SHOC2: variants seen among roughly 807,000 people sequenced by gnomAD.
The protein encoded by SHOC2 is SHOC2 leucine rich repeat scaffold protein.
Under a neutral mutation model 50.2 loss-of-function variants are expected in SHOC2, and 4 were observed. The ratio of observed to expected loss-of-function variants is 0.08; its 90% confidence interval spans 0.04 to 0.18. SHOC2 has a LOEUF of 0.18. SHOC2 is among the 10% of genes least tolerant of loss of function. The pLI, the probability that SHOC2 is intolerant of heterozygous loss-of-function variation, is 1.00. For synonymous variants in SHOC2, 218 were observed against 244.5 expected, an observed-to-expected ratio of 0.89 and a Z score of 1.01; for missense variants, 388 against 669.6, an observed-to-expected ratio of 0.58 and a Z score of 4.64.
chr10:110,988,311 G>A (rs953439899), intron 3 of SHOC2, among the ~76,000 whole-genome samples: 2 of 152,032 alleles, frequency 1.3e-5, no homozygotes, highest in African/African-American at 4.8e-5. Flanking sequence ...AAATTCACCA[G>A]TGAAGCCATC....
At chr10:110,968,789 A>G (rs1274037217) in intron 2 of SHOC2, among the ~76,000 whole-genome samples, 6 of 152,138 alleles carry the variant, frequency 3.9e-5, no homozygotes, top group Non-Finnish European at 8.8e-5. Context: ...CAACAGAGCT[A>G]GACCCTATCT....
intron 2 of SHOC2, among the ~76,000 whole-genome samples, chr10:110,980,151 C>A (rs1847947572): frequency 6.6e-6 from 1 of 150,704 alleles, no homozygotes. Context: ...CTACCCCATT[C>A]CTGTCACTTT....
chr10:110,987,356 T>G (rs1364811346), intron 3 of SHOC2, among the ~76,000 whole-genome samples: 1 of 152,192 alleles, frequency 6.6e-6, no homozygotes, highest in Admixed American at 6.5e-5. Flanking sequence ...TAGATTGTCT[T>G]AGGTTATACA....
chr10:111,002,301 G>C (rs1450093419), intron 4 of SHOC2, among the ~76,000 whole-genome samples: 6 of 152,256 alleles, frequency 3.9e-5, no homozygotes, highest in Admixed American at 3.3e-4. Context: ...CGCATTTATA[G>C]TAAGGAAAAC....
intron 1 of SHOC2, among the ~76,000 whole-genome samples, chr10:110,933,521 C>T (rs1038298126): frequency 5.9e-5 from 9 of 152,308 alleles, no homozygotes; most frequent in Admixed American, 5.2e-4. Flanking sequence ...TCAATTATTA[C>T]AGGAGACCAG....
chr10:110,980,151 C>T (rs1847947572), intron 2 of SHOC2, among the ~76,000 whole-genome samples: 1 of 150,704 alleles, frequency 6.6e-6, no homozygotes, highest in Non-Finnish European at 1.5e-5. Context: ...CTACCCCATT[C>T]CTGTCACTTT....
intron 2 of SHOC2, among the ~76,000 whole-genome samples, chr10:110,967,372 C>G (rs542023717): frequency 6.6e-6 from 1 of 152,248 alleles, no homozygotes; most frequent in South Asian, 2.1e-4. Context: ...GGTCCAGGGT[C>G]TGTACTTTTA....
At chr10:110,984,891 G>T (rs963389509) in intron 2 of SHOC2, among the ~76,000 whole-genome samples, 1 of 152,068 alleles carries the variant, frequency 6.6e-6, no homozygotes, top group African/African-American at 2.4e-5. Flanking sequence ...TTGAAAGCTG[G>T]ATGTAGCTCA....
At position 110,936,589 on chromosome 10, in the gene SHOC2, C is replaced by CTTT. The variant is rs376101415; in HGVS notation, c.-235+16945_-235+16947dup. ...GGAAAGGGCATGTCCTTTTCTTTTC[C>CTTT]TTTTTTTTTTTTTTTAACAGTCTTT... On this transcript the variant is annotated intron_variant, in intron 1 of 8. Transcript: ENST00000369452. 7.1e-3 allele frequency: 2,994 copies of CTTT among 423,230 alleles called. 127 individuals are homozygous for CTTT. Among genetic ancestry groups the CTTT allele is most frequent in the African/African-American group, 0.071 (2,567 of 36,324 alleles). The allele number at this position is 423,230 out of a possible 1,614,324, so 26.2% of individuals were successfully genotyped here. A position where few individuals can be genotyped will look rare whatever the true frequency, so the allele number is the denominator to read the frequency against.
At chr10:111,008,297 A>G in intron 6 of SHOC2, among the ~76,000 whole-genome samples, 1 of 151,046 alleles carries the variant, frequency 6.6e-6, no homozygotes, top group East Asian at 1.9e-4. Flanking sequence ...ATGCTTACTA[A>G]TAGTAAATAT....
At chr10:110,985,046 A>G (rs1848052289) in intron 2 of SHOC2, among the ~76,000 whole-genome samples, 1 of 152,180 alleles carries the variant, frequency 6.6e-6, no homozygotes, top group Admixed American at 6.5e-5. Context: ...AGCTAACTGG[A>G]TATTAAGAAG....
chr10:110,996,933 C>A (rs188521166), intron 3 of SHOC2, among the ~76,000 whole-genome samples: 1 of 152,014 alleles, frequency 6.6e-6, no homozygotes, highest in Non-Finnish European at 1.5e-5. Flanking sequence ...GTGCACTTGT[C>A]GAGAGGTGGG....
intron 1 of SHOC2, among the ~76,000 whole-genome samples, chr10:110,929,746 T>G (rs1050242892): frequency 6.6e-6 from 1 of 152,194 alleles, no homozygotes; most frequent in Non-Finnish European, 1.5e-5. Flanking sequence ...CATCTAAACC[T>G]AAGTACCTCC....
At chr10:110,950,118 GT>G (rs1847322294) in intron 1 of SHOC2, among the ~76,000 whole-genome samples, 1 of 152,132 alleles carries the variant, frequency 6.6e-6, no homozygotes, top group African/African-American at 2.4e-5. Context: ...TTGTCTTTCT[GT>G]AGATAACATG....
intron 5 of SHOC2, among the ~76,000 whole-genome samples, chr10:111,006,858 C>T (rs970632645): frequency 1.3e-5 from 2 of 152,140 alleles, no homozygotes; most frequent in Non-Finnish European, 2.9e-5. Context: ...TGAAAGTATA[C>T]TTTATAAGTG....
rs1848586432 is a variant in SHOC2 at position 111,012,571 on chromosome 10, A to G, written c.*753A>G. On this transcript the variant is annotated 3_prime_UTR_variant, in exon 9 of 9. Coordinates refer to ENST00000369452, the MANE Select transcript of SHOC2 (RefSeq NM_007373.4). Reference sequence around the variant, plus strand: ...GAAGGGTATTGAGACCTTTTCTAGTATGAATATTTTTTAAGTTTGGGGGAA... The same window carrying G: ...GAAGGGTATTGAGACCTTTTCTAGTGTGAATATTTTTTAAGTTTGGGGGAA... 6.6e-6 allele frequency: 1 copy of G among 152,162 alleles called. No homozygotes were observed. Among genetic ancestry groups the G allele is most frequent in the Non-Finnish European group, 1.5e-5 (1 of 68,010 alleles). The allele number at this position is 152,162 out of a possible 1,614,324, so 9.4% of individuals were successfully genotyped here.
chr10:110,925,088 A>T (rs1294204562), intron 1 of SHOC2, among the ~76,000 whole-genome samples: 2 of 147,582 alleles, frequency 1.4e-5, no homozygotes. Flanking sequence ...AAAAAAAAAA[A>T]AAAATTAAAA....
intron 1 of SHOC2, among the ~76,000 whole-genome samples, chr10:110,942,388 C>A (rs968328008): frequency 6.6e-6 from 1 of 152,032 alleles, no homozygotes; most frequent in African/African-American, 2.4e-5. Flanking sequence ...TGCTCTGTTG[C>A]CTAGACTGGA....
intron 1 of SHOC2, chr10:110,937,260 T>A (rs754210824): frequency 2.1e-5 from 4 of 194,974 alleles, no homozygotes. Flanking sequence ...GGAAAGCTGC[T>A]TTTTTTTTTT....
Sources: gnomAD v4.1 joint callset for allele counts (sites outside exome capture counted in the v4.1 genomes callset) on GRCh38, gnomAD v4.1.1 for gene constraint, MANE v1.5 for transcripts, NCBI Gene and HGNC (gene_info 2026-07-23, HGNC 2026-07-21) for gene names.